ERCC6L2: variants seen among roughly 807,000 people sequenced by gnomAD.
ERCC6L2 encodes ERCC excision repair 6 like 2.
A neutral mutation model predicts 132.0 loss-of-function variants in ERCC6L2; 77 were observed. The ratio of observed to expected loss-of-function variants is 0.58; its 90% CI spans 0.49 to 0.71. ERCC6L2 has a LOEUF of 0.71. ERCC6L2 is among the 30% of genes least tolerant of loss of function. ERCC6L2 has a pLI of 0.00. For missense variants in ERCC6L2, 1,542 were observed against 1,837.6 expected, an observed-to-expected ratio of 0.84 and a Z score of 2.94; for synonymous variants, 583 against 632.4, an observed-to-expected ratio of 0.92 and a Z score of 1.17.
chr9:95,880,754 C>T (rs1827544651), intron 1 of ERCC6L2, 115 bp from the exon 2 acceptor site: 3 of 802,618 alleles, frequency 3.7e-6, no homozygotes, highest in South Asian at 2.1e-5. Flanking sequence ...TATCTTGTTC[C>T]AGTTTTTTGG....
intron 4 of ERCC6L2, among the ~76,000 whole-genome samples, chr9:95,913,395 T>TA (rs147428096): frequency 7.7e-4 from 118 of 152,328 alleles, no homozygotes; most frequent in African/African-American, 2.7e-3. Flanking sequence ...GAAGTTAGCA[T>TA]AATGGTCATC....
chr9:95,930,573 T>C (rs933299162), intron 11 of ERCC6L2, among the ~76,000 whole-genome samples: 1 of 152,222 alleles, frequency 6.6e-6, no homozygotes, highest in African/African-American at 2.4e-5. Flanking sequence ...TTAAGAAAGA[T>C]GATTAGGCTA....
intron 20 of ERCC6L2, among the ~76,000 whole-genome samples, chr9:96,040,071 A>G (rs1370993213): frequency 1.3e-5 from 2 of 149,848 alleles, no homozygotes; most frequent in Non-Finnish European, 3.0e-5. Context: ...AAAAAAAGAC[A>G]TGGTCCTTAT....
intron 1 of ERCC6L2, chr9:95,877,217 AGTT>A (rs2132491342): frequency 6.6e-6 from 1 of 152,352 alleles, no homozygotes; most frequent in Admixed American, 6.5e-5. Flanking sequence ...CAATTTAAGC[AGTT>A]GTTCTGTAGT....
intron 12 of ERCC6L2, among the ~76,000 whole-genome samples, chr9:95,949,502 T>C (rs1291465896): frequency 1.3e-5 from 2 of 152,118 alleles, no homozygotes; most frequent in African/African-American, 4.8e-5. Flanking sequence ...TCAAGTGGAT[T>C]TGTCAGTAGA....
intron 17 of ERCC6L2, 94 bp from the exon 18 acceptor site, chr9:96,004,426 T>TA: frequency 1.7e-6 from 1 of 604,428 alleles, no homozygotes; most frequent in Non-Finnish European, 2.6e-6. Flanking sequence ...TACTTCATTA[T>TA]AAAGAGTATT....
At chr9:95,950,780 T>C (rs766583031) in intron 12 of ERCC6L2, among the ~76,000 whole-genome samples, 2 of 152,178 alleles carry the variant, frequency 1.3e-5, no homozygotes, top group African/African-American at 2.4e-5. Context: ...CACCAAGATT[T>C]AACAATTATA....
chr9:96,012,864 A>C lies in ERCC6L2; in HGVS notation c.4314A>C (p.Leu1438Phe). Reference protein sequence around the residue: ...PVLENTSVISLLGDTSILDDL... With the variant: ...PVLENTSVISFLGDTSILDDL... ...TGGAAAATACTTCTGTGATAAGCTT[A>C]CTTGGTGATACCTCTATTCTTGATG... The change falls in exon 19 of 19, where the codon TTA becomes TTC. Residue 1438 changes from leucine (L) to phenylalanine (F), a missense_variant. This residue lies in a region of ERCC6L2 where 442 missense variants were observed against 583.4 expected (regional missense o/e 0.76). Coordinates refer to ENST00000653738, the MANE Select transcript of ERCC6L2 (RefSeq NM_020207.7). The C allele has an allele frequency of 7.3e-7, 1 of 1,367,666 alleles. No homozygotes were observed. The highest frequency in any genetic ancestry group is 9.8e-7 in the Non-Finnish European group (1 of 1,021,852). 84.7% of individuals were successfully genotyped at this position (1,367,666 alleles called of 1,614,324 possible).
chr9:95,885,420 C>G (rs967351871), intron 2 of ERCC6L2, among the ~76,000 whole-genome samples: 1 of 152,184 alleles, frequency 6.6e-6, no homozygotes, highest in Non-Finnish European at 1.5e-5. Flanking sequence ...CAACACCATG[C>G]AGTTCATCAC....
At chr9:96,030,302 C>G (rs905726867) in intron 19 of ERCC6L2, among the ~76,000 whole-genome samples, 4 of 152,000 alleles carry the variant, frequency 2.6e-5, no homozygotes, top group African/African-American at 9.7e-5. Flanking sequence ...ACCCCACCCA[C>G]CCAGCCAGCA....
intron 13 of ERCC6L2, among the ~76,000 whole-genome samples, chr9:95,962,835 C>G (rs942149625): frequency 6.6e-6 from 1 of 152,128 alleles, no homozygotes; most frequent in Non-Finnish European, 1.5e-5. Context: ...TTTCAACTTA[C>G]AATGGGTTTA....
intron 15 of ERCC6L2, chr9:95,971,500 A>C (rs16910396): frequency 0.15 from 22,546 of 152,164 alleles, 1,802 homozygotes; most frequent in East Asian, 0.25. Context: ...CCAGTCTTGA[A>C]TTCTTTACCT....
chr9:96,038,903 CTGGAGGAAGCCAGCAGCCA>C (rs1320560590), exon 20 of ERCC6L2: 1 of 456,160 alleles, frequency 2.2e-6, no homozygotes, highest in African/African-American at 2.0e-5. Flanking sequence ...CAAACTTGTT[CTGGAGGAAGCCAGCAGCCA>C]TGTCATAAGG....
At chr9:95,877,421 A>G (rs1827337468) in intron 1 of ERCC6L2, among the ~76,000 whole-genome samples, 1 of 151,006 alleles carries the variant, frequency 6.6e-6, no homozygotes, top group Non-Finnish European at 1.5e-5. Flanking sequence ...ATTTCTCAAT[A>G]CTCCCTTCTC....
chr9:95,975,883 A>G (rs1832648764), intron 16 of ERCC6L2, among the ~76,000 whole-genome samples: 1 of 152,124 alleles, frequency 6.6e-6, no homozygotes, highest in African/African-American at 2.4e-5. Flanking sequence ...ATTTAAAAAA[A>G]AATTTCTAAG....
rs374941826 is a variant in ERCC6L2, at chr9:96,018,243, G to A, written c.*5040G>A. On this transcript the variant is annotated 3_prime_UTR_variant, in exon 19 of 19. Transcript: ENST00000653738. Reference sequence around the variant, plus strand: ...CATTAAAATGCTAAATTTTGTATGTGTTTTACAATTTTAAAAATGGAAAAA... The same window carrying A: ...CATTAAAATGCTAAATTTTGTATGTATTTTACAATTTTAAAAATGGAAAAA... Among the ~76,000 whole-genome samples the A allele has an allele frequency of 8.5e-5, 13 of 152,180 alleles. No individual in the cohort carries two copies. The highest frequency in any genetic ancestry group is 2.7e-4 in the African/African-American group (11 of 41,506).
Position 95,888,903 on chromosome 9 carries a change from T to C in ERCC6L2, c.471+7610T>C, listed in dbSNP as rs755137370. On this transcript the variant is annotated intron_variant, in intron 2 of 18. Coordinates refer to ENST00000653738, the MANE Select transcript of ERCC6L2 (RefSeq NM_020207.7). ...ACCTATTAGTATATTTTAATTAATATAATTAATATATAGCTAAGAGTTTGT... is the reference window on the plus strand; with the variant it reads ...ACCTATTAGTATATTTTAATTAATACAATTAATATATAGCTAAGAGTTTGT... 2.9e-4 allele frequency among the ~76,000 whole-genome samples: 44 copies of C among 152,314 alleles called. No homozygotes were observed. In the Middle Eastern group the frequency reaches 0.01, roughly 35 times the overall value.
At chr9:95,932,531 T>C (rs1830385509) in intron 11 of ERCC6L2, among the ~76,000 whole-genome samples, 1 of 152,138 alleles carries the variant, frequency 6.6e-6, no homozygotes, top group Non-Finnish European at 1.5e-5. Context: ...GTTTTTTGTT[T>C]TTGGAGAATC....
At chr9:95,978,549 GAA>G (rs1318395077) in intron 17 of ERCC6L2, among the ~76,000 whole-genome samples, 2 of 152,298 alleles carry the variant, frequency 1.3e-5, no homozygotes, top group East Asian at 3.9e-4. Context: ...ATGGAAAAAG[GAA>G]AGTGTGTGAT....
Sources: allele counts gnomAD v4.1 joint callset (sites outside exome capture counted in the v4.1 genomes callset), GRCh38; gene constraint gnomAD v4.1.1; regional missense constraint gnomAD v4.1.1; transcripts MANE v1.5; gene names NCBI Gene and HGNC (gene_info 2026-07-23, HGNC 2026-07-21).